The following LUC7L variants were observed in gnomAD, a reference collection of about 807,000 sequenced individuals.
LUC7L encodes LUC7 like.
LUC7L carries 29 observed loss-of-function variants against 51.1 expected under a neutral mutation model. The ratio of observed to expected loss-of-function variants is 0.57; its 90% CI spans 0.42 to 0.77. The LOEUF is 0.77. Ranked by LOEUF, LUC7L falls within the 30% of genes least tolerant of loss-of-function variation. The pLI is 0.00. For synonymous variants in LUC7L, 181 were observed against 180.7 expected (o/e 1.00, Z -0.01); for missense variants, 403 against 511.9 (o/e 0.79, Z 2.05).
intron 2 of LUC7L, among the ~76,000 whole-genome samples, chr16:222,722 C>A (rs2050008320): frequency 6.6e-6 from 1 of 151,272 alleles, no homozygotes; most frequent in African/African-American, 2.4e-5. Context: ...CCTCCGCCTC[C>A]CAGGTTCAAG....
At chr16:212,098 A>T (rs1567185110) in intron 3 of LUC7L, among the ~76,000 whole-genome samples, 3 of 152,208 alleles carry the variant, frequency 2.0e-5, no homozygotes, top group Non-Finnish European at 2.9e-5. Flanking sequence ...GTTTGAGATC[A>T]GCCTGACCAA....
chr16:225,578 G>A (rs1011044684), intron 2 of LUC7L, among the ~76,000 whole-genome samples: 3 of 141,192 alleles, frequency 2.1e-5, no homozygotes, highest in Admixed American at 1.5e-4. Flanking sequence ...CCTCTGCCTC[G>A]CGGGTTCAAG....
chr16:193,726 C>T (rs1426418702), intron 6 of LUC7L, among the ~76,000 whole-genome samples: 1 of 152,002 alleles, frequency 6.6e-6, no homozygotes, highest in African/African-American at 2.4e-5. Context: ...AACTCCTAAC[C>T]TTGTGATATG....
At chr16:221,064 G>C (rs1170557437) in intron 2 of LUC7L, among the ~76,000 whole-genome samples, 1 of 152,154 alleles carries the variant, frequency 6.6e-6, no homozygotes, top group Non-Finnish European at 1.5e-5. Context: ...CTGTCACCCA[G>C]GCTGGAGTAC....
At chr16:207,962 TCATGC>T (rs1567182467) in intron 4 of LUC7L, 111 bp downstream of exon 4, 2 of 647,352 alleles carry the variant, frequency 3.1e-6, no homozygotes, top group Non-Finnish European at 5.3e-6. Context: ...TGAGCTGAGA[TCATGC>T]CACTGCACTC....
At chr16:224,254 C>G (rs2050059874) in intron 2 of LUC7L, among the ~76,000 whole-genome samples, 1 of 152,050 alleles carries the variant, frequency 6.6e-6, no homozygotes, top group South Asian at 2.1e-4. Context: ...CGCGGTGGCT[C>G]ATGCCTATAA....
At chr16:219,621 C>T (rs553171557) in intron 3 of LUC7L, among the ~76,000 whole-genome samples, 4 of 151,794 alleles carry the variant, frequency 2.6e-5, no homozygotes, top group African/African-American at 9.7e-5. Context: ...ACCTGTAATC[C>T]CAGCACTTTG....
At chr16:207,225 A>T (rs903074300) in intron 4 of LUC7L, among the ~76,000 whole-genome samples, 2 of 150,632 alleles carry the variant, frequency 1.3e-5, no homozygotes, top group South Asian at 2.1e-4. Context: ...ACCGACAATA[A>T]TTTTTTTTTC....
At chr16:227,185 C>T (rs1287343017) in intron 2 of LUC7L, 57 bp downstream of exon 2, 12 of 1,399,128 alleles carry the variant, frequency 8.6e-6, no homozygotes, top group Non-Finnish European at 1.2e-5. Context: ...AAAACCGTCA[C>T]TGCCTATACA....
At chr16:197,651 C>T (rs541884806) in intron 6 of LUC7L, among the ~76,000 whole-genome samples, 106 of 152,200 alleles carry the variant, frequency 7.0e-4, no homozygotes, top group Non-Finnish European at 1.4e-3. Context: ...CACTGCTGCA[C>T]CAGCTCCCAT....
chr16:214,752 C>T (rs771732442), intron 3 of LUC7L, among the ~76,000 whole-genome samples: 2 of 152,148 alleles, frequency 1.3e-5, no homozygotes, highest in Non-Finnish European at 2.9e-5. Context: ...TAGTCTCCAA[C>T]TGGGCTCATG....
intron 6 of LUC7L, among the ~76,000 whole-genome samples, chr16:193,440 C>T (rs2049065448): frequency 6.6e-6 from 1 of 151,826 alleles, no homozygotes; most frequent in Admixed American, 6.6e-5. Context: ...CCACCGCGCC[C>T]GGCCAACACA....
At chr16:200,057 G>C (rs1262410797) in intron 5 of LUC7L, among the ~76,000 whole-genome samples, 1 of 152,030 alleles carries the variant, frequency 6.6e-6, no homozygotes, top group Non-Finnish European at 1.5e-5. Context: ...CCGAGGCCAA[G>C]GCAGACAGAT....
chr16:203,074 C>G (rs991256727), intron 5 of LUC7L, among the ~76,000 whole-genome samples: 2 of 152,178 alleles, frequency 1.3e-5, no homozygotes, highest in African/African-American at 4.8e-5. Flanking sequence ...TCAGTTGAAC[C>G]CAGGAGTTGG....
rs36033830 is a variant in LUC7L, at chr16:201,170, G to GAAA, written c.511-1935_511-1933dup. 6.8e-3 allele frequency among the ~76,000 whole-genome samples: 481 copies of GAAA among 70,350 alleles called. 19 individuals carry two copies. The highest frequency in any genetic ancestry group is 0.027 in the African/African-American group (451 of 16,522). The allele number at this position is 70,350 out of a possible 152,430, so 46.2% of individuals were successfully genotyped here. ...GGCGACAGAGCGAGACTCTGTCTGA[G>GAAA]AAAAAAAAAAAAAAAAAAGTAGACA... is the stretch of plus-strand genomic sequence containing the variant. On this transcript the variant is annotated intron_variant, in intron 5 of 9. Coordinates refer to ENST00000293872, the MANE Select transcript of LUC7L (RefSeq NM_201412.3).
intron 6 of LUC7L, among the ~76,000 whole-genome samples, chr16:196,363 G>A (rs1050321605): frequency 2.0e-5 from 3 of 151,822 alleles, no homozygotes; most frequent in African/African-American, 4.8e-5. Flanking sequence ...AGCTGAGTTC[G>A]TTACACTGCA....
Position 229,273 on chromosome 16 carries a change from A to C in LUC7L, c.61+6T>G, listed in dbSNP as rs766542563. On this transcript the variant is annotated splice_donor_region_variant and intron_variant, in intron 1 of 9. Transcript: ENST00000293872. ...GACCCTCGCCTGGTTGGCCGCTCTG[A>C]CTCACCGTCCCGAGCCGTGCCCATG... 5 of 1,534,840 alleles carry C rather than the reference A, an allele frequency of 3.3e-6. No individual in the cohort carries two copies. Among genetic ancestry groups the C allele is most frequent in the Non-Finnish European group, 4.4e-6 (5 of 1,148,070 alleles).
rs563569633 is a variant in LUC7L at position 214,066 on chromosome 16, T to G, written c.256-5878A>C. ...TTTGTGTCTTTGTTTTGTGTTCTCA[T>G]GAGCAATTGTTTTTTTTTTGAAATG... On this transcript the variant is annotated intron_variant, in intron 3 of 9. Transcript: ENST00000293872. Among the ~76,000 whole-genome samples, 5 of 151,596 alleles carry G rather than the reference T, an allele frequency of 3.3e-5. No homozygotes were observed. The East Asian group carries it at 9.7e-4, about 30-fold the overall frequency.
chr16:222,840 G>T (rs1161171209), intron 2 of LUC7L, among the ~76,000 whole-genome samples: 2 of 150,620 alleles, frequency 1.3e-5, no homozygotes, highest in Non-Finnish European at 3.0e-5. Context: ...ATGTTGGTCA[G>T]GCTGGTCTCG....
Sources: allele counts gnomAD v4.1 joint callset (sites outside exome capture counted in the v4.1 genomes callset), GRCh38; gene constraint gnomAD v4.1.1; transcripts MANE v1.5; gene names NCBI Gene and HGNC (gene_info 2026-07-23, HGNC 2026-07-21).